The following ZFYVE1 variants were observed in gnomAD, a reference collection of about 807,000 sequenced individuals.
ZFYVE1 encodes the protein zinc finger FYVE-type containing 1, also known as zinc finger FYVE domain-containing protein 1.
In ZFYVE1, 30 loss-of-function variants were observed where a neutral mutation model predicts 74.4. That is an observed-to-expected ratio of 0.40 (90% CI 0.30 to 0.55). The LOEUF (loss-of-function observed/expected upper bound fraction) is 0.55, where lower values mean the gene tolerates loss of function less well. Among genes scored for constraint, ZFYVE1 ranks in the 20% least tolerant of loss-of-function variants. ZFYVE1 has a pLI of 0.42. For missense variants in ZFYVE1, 703 were observed against 1,011.6 expected (o/e 0.69, Z 4.14); for synonymous variants, 335 against 385.1 (o/e 0.87, Z 1.52).
At chr14:73,002,861 C>T (rs12891513) in intron 2 of ZFYVE1, among the ~76,000 whole-genome samples, 44,662 of 149,930 alleles carry the variant, frequency 0.3, 6,929 homozygotes, top group Middle Eastern at 0.39. Context: ...CCTGCCTCAG[C>T]CTCCAGAGTA....
chr14:72,999,628 G>A (rs1893827027), intron 2 of ZFYVE1, among the ~76,000 whole-genome samples: 1 of 151,952 alleles, frequency 6.6e-6, no homozygotes, highest in Admixed American at 6.6e-5. Context: ...AACATTTGTA[G>A]ATCAAATATC....
chr14:73,023,329 ATTATATATG>A (rs1567366879), intron 2 of ZFYVE1, among the ~76,000 whole-genome samples: 1 of 89,938 alleles, frequency 1.1e-5, no homozygotes, highest in Non-Finnish European at 2.2e-5. Flanking sequence ...TATAATATAT[ATTATATATG>A]TTTTATATAT....
At chr14:72,989,687 G>T (rs1893562205) in intron 4 of ZFYVE1, among the ~76,000 whole-genome samples, 1 of 152,084 alleles carries the variant, frequency 6.6e-6, no homozygotes, top group Admixed American at 6.6e-5. Flanking sequence ...AATACAGCAT[G>T]AAGTTAAAAG....
chr14:72,970,910 T>C lies in ZFYVE1; in HGVS notation c.2306A>G (p.Asn769Ser). Residue 769 changes from asparagine to serine, a missense_variant, in exon 12 of 12, where the codon AAC (asparagine) becomes AGC (serine). Physicochemically the swap from Asn to Ser is conservative, Grantham distance 46 (BLOSUM62 1). Around this residue, in one of 2 missense-constraint regions of ZFYVE1, gnomAD observed 492 missense variants for 790.0 expected, o/e 0.62. Coordinates refer to ENST00000556143, the MANE Select transcript of ZFYVE1 (RefSeq NM_021260.4). ...GWDHPVRVCF[N>S]CNKKPGDL is the part of the protein sequence containing the mutation. Reference sequence around the variant, plus strand: ...AAGGTCACCGGGCTTTTTATTGCAGTTGAAGCAGACTCGGACGGGATGGTC... The same window carrying C: ...AAGGTCACCGGGCTTTTTATTGCAGCTGAAGCAGACTCGGACGGGATGGTC... The C allele has an allele frequency of 3.1e-6, 5 of 1,614,202 alleles. No individual in the cohort carries two copies. The highest frequency in any genetic ancestry group is 4.2e-6 in the Non-Finnish European group (5 of 1,180,044).
In ZFYVE1 at chr14:72,995,722, TG is replaced by T. The variant is rs1240388885; in HGVS notation, c.988+2088del. On this transcript the variant is annotated intron_variant, in intron 3 of 11. Transcript: ENST00000556143. The stretch of plus-strand genomic sequence containing the variant: ...CTTGCTAATTAATCTGCTCCTTCAC[TG>T]GGGAACATTTACATGTATTATCTTC... Among the ~76,000 whole-genome samples, 13 of 152,268 alleles carry T rather than the reference TG, an allele frequency of 8.5e-5. No homozygotes were observed. The East Asian group carries it at 2.5e-3, about 29-fold the overall frequency.
At chr14:72,990,814 C>T (rs1461052119) in intron 4 of ZFYVE1, among the ~76,000 whole-genome samples, 1 of 148,970 alleles carries the variant, frequency 6.7e-6, no homozygotes, top group Non-Finnish European at 1.5e-5. Flanking sequence ...GATTCTCCTG[C>T]CTCAGCCTCC....
chr14:73,025,529 C>T (rs2140395811), intron 1 of ZFYVE1, among the ~76,000 whole-genome samples: 1 of 151,632 alleles, frequency 6.6e-6, no homozygotes, highest in South Asian at 2.1e-4. Context: ...AATCCCATCT[C>T]TACTAAAAAT....
chr14:73,022,910 C>G (rs1450404833), intron 2 of ZFYVE1, among the ~76,000 whole-genome samples: 1 of 151,916 alleles, frequency 6.6e-6, no homozygotes, highest in Non-Finnish European at 1.5e-5. Flanking sequence ...CGCCTGTAAT[C>G]CCAGCACTCT....
chr14:73,014,750 C>T (rs1460308227), intron 2 of ZFYVE1, among the ~76,000 whole-genome samples: 4 of 152,278 alleles, frequency 2.6e-5, no homozygotes, highest in African/African-American at 9.6e-5. Flanking sequence ...GAATGAAGTC[C>T]TGAAGGATTT....
At position 72,988,331 on chromosome 14, in the gene ZFYVE1, C is replaced by T. The variant is rs541761547; in HGVS notation, c.1203+4812G>A. ...CTGGGATTACAGGCACACACCATCA[C>T]GGCTGGCTAATTTTTGTATTTTTCA... On this transcript the variant is annotated intron_variant, in intron 4 of 11. Coordinates refer to ENST00000556143, the MANE Select transcript of ZFYVE1 (RefSeq NM_021260.4). Among the ~76,000 whole-genome samples the T allele has an allele frequency of 2.0e-5, 3 of 151,898 alleles. No homozygotes were observed. The East Asian group carries it at 5.9e-4, about 30-fold the overall frequency.
At chr14:72,993,074 G>A in intron 4 of ZFYVE1, 69 bp downstream of exon 4, 1 of 1,445,326 alleles carries the variant, frequency 6.9e-7, no homozygotes, top group Non-Finnish European at 9.3e-7. Context: ...CACAAAAGCT[G>A]GCGAACTGAG....
intron 3 of ZFYVE1, 42 bp from the exon 4 acceptor site, chr14:72,993,399 T>C (rs1447212940): frequency 1.4e-6 from 2 of 1,466,398 alleles, no homozygotes; most frequent in Admixed American, 2.2e-5. Context: ...GTGAGTGACA[T>C]TTAAAAAAAA....
At chr14:73,012,337 A>C (rs1235992122) in intron 2 of ZFYVE1, among the ~76,000 whole-genome samples, 1 of 151,894 alleles carries the variant, frequency 6.6e-6, no homozygotes, top group East Asian at 2.0e-4. Context: ...AAAAGAACCA[A>C]GGGGCCAGGT....
chr14:73,013,765 T>C (rs983260527), intron 2 of ZFYVE1, among the ~76,000 whole-genome samples: 2 of 151,012 alleles, frequency 1.3e-5, no homozygotes, highest in African/African-American at 4.8e-5. Flanking sequence ...TCTTCCCTTC[T>C]TCATGGTCTC....
Position 72,998,064 on chromosome 14 carries a change from A to T in ZFYVE1, c.735T>A (p.Asn245Lys), listed in dbSNP as rs945887001. The part of the protein sequence containing the change: ...DTEGLLGATV[N>K]LSQRTRLLLK... ...GCAGCAGCCGTGTTCTCTGGCTTAG[A>T]TTCACGGTGGCCCCCAGGAGCCCTT... Residue 245 changes from asparagine to lysine, a missense_variant, in exon 3 of 12, where the codon AAT becomes AAA. This residue lies in a region of ZFYVE1 where 492 missense variants were observed against 790.0 expected (regional missense o/e 0.62). Coordinates refer to ENST00000556143, the MANE Select transcript of ZFYVE1 (RefSeq NM_021260.4). 1.9e-6 allele frequency: 3 copies of T among 1,613,950 alleles called. No individual in the cohort carries two copies. The highest frequency in any genetic ancestry group is 2.5e-6 in the Non-Finnish European group (3 of 1,180,014).
intron 2 of ZFYVE1, among the ~76,000 whole-genome samples, chr14:73,008,791 A>G (rs1377365148): frequency 6.6e-6 from 1 of 152,206 alleles, no homozygotes; most frequent in African/African-American, 2.4e-5. Flanking sequence ...GTCAGTAAGC[A>G]GAATGGTCTT....
At chr14:73,023,422 T>TTATATATATAA (rs1020803538) in intron 2 of ZFYVE1, among the ~76,000 whole-genome samples, 1 of 134,942 alleles carries the variant, frequency 7.4e-6, no homozygotes, top group African/African-American at 2.8e-5. Flanking sequence ...ATTTTATGTT[T>TTATATATATAA]TATATATATT....
intron 5 of ZFYVE1, 103 bp from the exon 6 acceptor site, chr14:72,979,072 T>C: frequency 2.1e-6 from 2 of 965,080 alleles, no homozygotes; most frequent in Non-Finnish European, 3.3e-6. Flanking sequence ...CGACCAGACC[T>C]TGATTACTAA....
chr14:73,015,298 A>G (rs12896087), intron 2 of ZFYVE1, among the ~76,000 whole-genome samples: 909 of 71,882 alleles, frequency 0.013, 27 homozygotes, highest in Admixed American at 0.019. Context: ...GGAAGGAAAG[A>G]AGGGAGGGAG....
Sources: gnomAD v4.1 joint callset for allele counts (sites outside exome capture counted in the v4.1 genomes callset) on GRCh38, gnomAD v4.1.1 for gene constraint, gnomAD v4.1.1 regional missense constraint, MANE v1.5 for transcripts, NCBI Gene and HGNC (gene_info 2026-07-23, HGNC 2026-07-21) for gene names.